ZNF831: variants seen among roughly 807,000 people sequenced by gnomAD.
ZNF831 encodes chromosome 20 open reading frame 174.
In ZNF831, 59 loss-of-function variants were observed where a neutral mutation model predicts 95.8. The observed-to-expected ratio is 0.62, with a 90% CI of 0.50 to 0.77. The LOEUF (loss-of-function observed/expected upper bound fraction) is 0.77. ZNF831 is among the 30% of genes least tolerant of loss of function. The pLI, the probability that ZNF831 is intolerant of heterozygous loss-of-function variation, is 0.00. For missense variants in ZNF831, 2,205 were observed against 2,164.0 expected, an observed-to-expected ratio of 1.02 and a Z score of -0.38; for synonymous variants, 961 against 925.5, an observed-to-expected ratio of 1.04 and a Z score of -0.70.
intron 1 of ZNF831, among the ~76,000 whole-genome samples, chr20:59,144,336 T>C (rs1410679455): frequency 6.6e-6 from 1 of 151,926 alleles, no homozygotes; most frequent in Non-Finnish European, 1.5e-5. Flanking sequence ...GCTGGAGGGG[T>C]TGCTGAGGCT....
intron 4 of ZNF831, among the ~76,000 whole-genome samples, chr20:59,231,425 A>G (rs1196421246): frequency 6.6e-6 from 1 of 152,138 alleles, no homozygotes; most frequent in Non-Finnish European, 1.5e-5. Flanking sequence ...TCAGGCTAAG[A>G]TTTCCCTTAT....
intron 4 of ZNF831, among the ~76,000 whole-genome samples, chr20:59,236,560 C>CTTTTTTTTTTTTTTTTTTTTTTTT (rs1459920541): frequency 8.4e-6 from 1 of 118,730 alleles, no homozygotes; most frequent in Non-Finnish European, 1.8e-5. Context: ...TAGTTTTTTG[C>CTTTTTTTTTTTTTTTTTTTTTTTT]TTTTTTTTTT....
chr20:59,155,817 TCTC>T (rs973562170), intron 2 of ZNF831, among the ~76,000 whole-genome samples: 3 of 152,110 alleles, frequency 2.0e-5, no homozygotes, highest in Admixed American at 1.3e-4. Flanking sequence ...AAGGAACAAT[TCTC>T]CTCCTCTGGG....
rs1457856342 is a variant in ZNF831 at position 59,257,299 on chromosome 20, A to G, written c.*2556A>G. The G allele has an allele frequency of 6.6e-6, 1 of 152,222 alleles. No individual in the cohort carries two copies. The allele number at this position is 152,222 out of a possible 1,614,324, so 9.4% of individuals were successfully genotyped here. A position where few individuals can be genotyped will look rare whatever the true frequency, so the allele number is the denominator to read the frequency against. On this transcript the variant is annotated 3_prime_UTR_variant, in exon 6 of 6. Coordinates refer to ENST00000371030, the MANE Select transcript of ZNF831 (RefSeq NM_178457.3). ...TACAAGTGTACCTTACTTTATATCA[A>G]CATGAATTTGTGAAAAAGCTGTATG... is the stretch of plus-strand genomic sequence containing the variant.
At chr20:59,161,506 T>C (rs1287465777), upstream of ZNF831, among the ~76,000 whole-genome samples, 1 of 152,234 alleles carries the variant, frequency 6.6e-6, no homozygotes, top group Non-Finnish European at 1.5e-5. Context: ...CTCAAACTCC[T>C]GGCCTCAAGT....
intron 2 of ZNF831, among the ~76,000 whole-genome samples, chr20:59,148,697 AAAAAAAAAAAAAAAAAAAAAAAAAAAAG>A (rs1980034753): frequency 1.1e-5 from 1 of 92,036 alleles, no homozygotes; most frequent in Non-Finnish European, 2.2e-5. Flanking sequence ...AAAAAAAAAA[AAAAAAAAAAAAAAAAAAAAAAAAAAAAG>A]AACAGAGCGT....
intron 4 of ZNF831, among the ~76,000 whole-genome samples, chr20:59,218,643 G>T (rs1985870931): frequency 6.6e-6 from 1 of 151,232 alleles, no homozygotes; most frequent in Non-Finnish European, 1.5e-5. Context: ...CAATCTAACT[G>T]GCCTGGTTTG....
intron 1 of ZNF831, among the ~76,000 whole-genome samples, chr20:59,133,928 C>T (rs1039945866): frequency 1.6e-4 from 25 of 152,288 alleles, no homozygotes; most frequent in Admixed American, 1.2e-3. Flanking sequence ...TCAGCAGTGC[C>T]GTGGGATAAG....
In ZNF831 at chr20:59,255,475, T is replaced by C. The variant is rs1021981903; in HGVS notation, c.*732T>C. On this transcript the variant is annotated 3_prime_UTR_variant, in exon 6 of 6. Transcript: ENST00000371030. ...ATGCTCTTGTGCCTGGTGCGTTTGC[T>C]GTGGAGATCTCTGAGACTGTCGGTT... 3 of 152,260 alleles carry C rather than the reference T, an allele frequency of 2.0e-5. No individual in the cohort carries two copies. The highest frequency in any genetic ancestry group is 1.3e-4 in the Admixed American group (2 of 15,284). 9.4% of individuals were successfully genotyped at this position (152,260 alleles called of 1,614,324 possible).
At position 59,192,501 on chromosome 20, in the gene ZNF831, C is replaced by T. The variant is rs1412541878; in HGVS notation, c.1482C>T (p.Thr494=). The part of the protein sequence containing the change: ...FFHSVPTQLS[T]TVECVPVTRS... ...ACTCCGTCCCCACTCAGCTCTCCAC[C>T]ACCGTGGAATGTGTCCCCGTCACCA... Residue 494 remains threonine, a synonymous_variant, in exon 2 of 6, where the codon ACC becomes ACT. Transcript: ENST00000371030. The surrounding 1 kb of genome is among the most constrained non-coding windows in gnomAD (Gnocchi z 5.2). 3.2e-6 allele frequency: 5 copies of T among 1,553,534 alleles called. No homozygotes were observed. The highest frequency in any genetic ancestry group is 4.3e-6 in the Non-Finnish European group (5 of 1,150,956).
At chr20:59,198,054 C>T (rs1396207656) in intron 3 of ZNF831, among the ~76,000 whole-genome samples, 1 of 152,152 alleles carries the variant, frequency 6.6e-6, no homozygotes, top group Admixed American at 6.5e-5. Context: ...AAGACTTCAG[C>T]TTGACTAATT....
chr20:59,192,392 C>A lies in ZNF831; in HGVS notation c.1373C>A (p.Ala458Glu). The change falls in exon 2 of 6, where the codon GCG (alanine) becomes GAG (glutamate). Residue 458 changes from alanine to glutamate, a missense_variant. Coordinates refer to ENST00000371030, the MANE Select transcript of ZNF831 (RefSeq NM_178457.3). This position sits in a 1 kb window ranked among gnomAD's most constrained non-coding sequence, Gnocchi z 5.2. ...GACTCCTTCCACTTTGACATCCGCGCGCTGGAGCCAGGCCGTAGGAGGGCC... is the reference window on the plus strand; with the variant it reads ...GACTCCTTCCACTTTGACATCCGCGAGCTGGAGCCAGGCCGTAGGAGGGCC... Reference protein sequence around the residue: ...YKDSFHFDIRALEPGRRRAPG... With the variant: ...YKDSFHFDIRELEPGRRRAPG... 1 of 1,612,146 alleles carries A rather than the reference C, an allele frequency of 6.2e-7. No individual in the cohort carries two copies. Among genetic ancestry groups the A allele is most frequent in the Non-Finnish European group, 8.5e-7 (1 of 1,179,542 alleles).
At chr20:59,165,862 G>A (rs772476242) in intron 1 of ZNF831, among the ~76,000 whole-genome samples, 1 of 151,934 alleles carries the variant, frequency 6.6e-6, no homozygotes, top group African/African-American at 2.4e-5. Context: ...CGATTCTTCT[G>A]CCTCAGCCTC....
At chr20:59,141,625 A>G (rs1211684976) in intron 1 of ZNF831, among the ~76,000 whole-genome samples, 1 of 152,196 alleles carries the variant, frequency 6.6e-6, no homozygotes, top group Non-Finnish European at 1.5e-5. Flanking sequence ...GTTGCCATAG[A>G]GTGAGTCTTA....
In ZNF831 at chr20:59,256,042, T is replaced by C. The variant is rs1293197865; in HGVS notation, c.*1299T>C. 6.6e-6 allele frequency: 1 copy of C among 152,248 alleles called. No individual in the cohort carries two copies. The highest frequency in any genetic ancestry group is 2.4e-5 in the African/African-American group (1 of 41,466). The allele number at this position is 152,248 out of a possible 1,614,324, so 9.4% of individuals were successfully genotyped here. A position where few individuals can be genotyped will look rare whatever the true frequency, so the allele number is the denominator to read the frequency against. Reference sequence around the variant, plus strand: ...TTTTATACTTGCTTTTGGTATGATTTTGTACAATTTGAAATTTGTAGCTGA... The same window carrying C: ...TTTTATACTTGCTTTTGGTATGATTCTGTACAATTTGAAATTTGTAGCTGA... On this transcript the variant is annotated 3_prime_UTR_variant, in exon 6 of 6. Transcript: ENST00000371030.
At chr20:59,149,895 C>T (rs1980123129) in intron 2 of ZNF831, among the ~76,000 whole-genome samples, 1 of 152,248 alleles carries the variant, frequency 6.6e-6, no homozygotes, top group Non-Finnish European at 1.5e-5. Context: ...TCGTCCCACA[C>T]AGGGCTAAGG....
chr20:59,236,768 C>A (rs1013523094), intron 4 of ZNF831, among the ~76,000 whole-genome samples: 11 of 152,104 alleles, frequency 7.2e-5, no homozygotes, highest in Non-Finnish European at 1.3e-4. Flanking sequence ...TCAACTCCTG[C>A]CCTTCTCTGA....
chr20:59,192,259 C>G lies in ZNF831; in HGVS notation c.1240C>G (p.His414Asp), dbSNP rs762928359. The G allele has an allele frequency of 6.3e-7, 1 of 1,593,084 alleles. No individual in the cohort carries two copies. The highest frequency in any genetic ancestry group is 8.5e-7 in the Non-Finnish European group (1 of 1,170,462). ...GGAGCGCATCGCCCAGCTCATCTCC[C>G]ACAACCAGGCGGTGGTGGACGATGC... ...LEERIAQLIS[H>D]NQAVVDDAQL... The change falls in exon 2 of 6, where the codon CAC (histidine) becomes GAC (aspartate). Residue 414 changes from histidine to aspartate, a missense_variant. Physicochemically the swap from His to Asp is moderately conservative, Grantham distance 81. Transcript: ENST00000371030. This position sits in a 1 kb window ranked among gnomAD's most constrained non-coding sequence, Gnocchi z 5.2.
intron 4 of ZNF831, among the ~76,000 whole-genome samples, chr20:59,226,537 A>G (rs1986442321): frequency 6.6e-6 from 1 of 151,856 alleles, no homozygotes; most frequent in Non-Finnish European, 1.5e-5. Context: ...TTTCTCGTTC[A>G]TGCCCGATAT....
Sources: gnomAD v4.1 joint callset for allele counts (sites outside exome capture counted in the v4.1 genomes callset) on GRCh38, gnomAD v4.1.1 for gene constraint, Gnocchi (gnomAD v3.1) non-coding constraint, MANE v1.5 for transcripts, NCBI Gene and HGNC (gene_info 2026-07-23, HGNC 2026-07-21) for gene names.